Variants in ESRRB observed in about 807,000 individuals in gnomAD.
ESRRB encodes steroid hormone receptor ERR2.
In ESRRB, 16 loss-of-function variants were observed where a neutral mutation model predicts 46.0. The observed-to-expected ratio is 0.35, with a 90% CI of 0.24 to 0.53. ESRRB has a LOEUF of 0.53. Ranked by LOEUF, ESRRB falls within the 20% of genes least tolerant of loss-of-function variation. The pLI is 0.93. For synonymous variants in ESRRB, 246 were observed against 259.6 expected (o/e 0.95, Z 0.50); for missense variants, 488 against 607.4 (o/e 0.80, Z 2.07).
intron 1 of ESRRB, among the ~76,000 whole-genome samples, chr14:76,316,865 A>G (rs916950602): frequency 1.3e-5 from 2 of 152,138 alleles, no homozygotes; most frequent in Non-Finnish European, 2.9e-5. Flanking sequence ...CTAAACTGGT[A>G]TCTCTCCTGT....
chr14:76,477,008 C>T (rs1433523330), intron 3 of ESRRB, among the ~76,000 whole-genome samples: 2 of 152,218 alleles, frequency 1.3e-5, no homozygotes, highest in African/African-American at 4.8e-5. Flanking sequence ...ATGAGAATGG[C>T]TTGAACCTGG....
chr14:76,349,002 C>T (rs187661534), intron 1 of ESRRB, among the ~76,000 whole-genome samples: 7 of 152,306 alleles, frequency 4.6e-5, no homozygotes, highest in Admixed American at 3.3e-4. Context: ...TCCAAGCAGG[C>T]CCCCCTTCCC....
At position 76,417,807 on chromosome 14, in the gene ESRRB, G is replaced by A. The variant is rs562846110; in HGVS notation, c.51-21534G>A. On this transcript the variant is annotated intron_variant, in intron 1 of 6. Coordinates refer to ENST00000644823, the MANE Select transcript of ESRRB (RefSeq NM_001379180.1). ...GAACAAGCCTTCCCAGAGGCCCGAG[G>A]CATCACACAGGTAGTCCCTGGCCAT... is the stretch of plus-strand genomic sequence containing the variant. Among the ~76,000 whole-genome samples, 23 of 152,216 alleles carry A rather than the reference G, an allele frequency of 1.5e-4. No homozygotes were observed. The East Asian group carries it at 4.4e-3, about 29-fold the overall frequency.
At chr14:76,407,818 G>A (rs1886255600) in intron 1 of ESRRB, among the ~76,000 whole-genome samples, 1 of 152,232 alleles carries the variant, frequency 6.6e-6, no homozygotes, top group African/African-American at 2.4e-5. Context: ...AGACCCACGT[G>A]GAGGGAGGCA....
chr14:76,476,740 G>A (rs983952171), intron 3 of ESRRB, among the ~76,000 whole-genome samples: 4 of 151,218 alleles, frequency 2.6e-5, no homozygotes, highest in South Asian at 2.1e-4. Flanking sequence ...CGGCAGGGGC[G>A]CTCCAGCTCT....
At chr14:76,439,175 GC>G (rs1887800984) in intron 1 of ESRRB, among the ~76,000 whole-genome samples, 165 bp from the exon 2 acceptor site, 1 of 152,210 alleles carries the variant, frequency 6.6e-6, no homozygotes, top group Admixed American at 6.5e-5. Flanking sequence ...CCAGAAACTT[GC>G]TCCCGGCTGC....
chr14:76,447,147 C>T (rs1888181084), intron 2 of ESRRB, among the ~76,000 whole-genome samples: 1 of 152,272 alleles, frequency 6.6e-6, no homozygotes, highest in South Asian at 2.1e-4. Context: ...AGGCTCAGCT[C>T]TTCTCTGGCT....
At chr14:76,429,115 C>T (rs1887322598) in intron 1 of ESRRB, among the ~76,000 whole-genome samples, 1 of 152,010 alleles carries the variant, frequency 6.6e-6, no homozygotes, top group Admixed American at 6.6e-5. Context: ...GCAACATGGA[C>T]ATAGAGGGTA....
chr14:76,491,645 G>A lies in ESRRB; in HGVS notation c.1049G>A (p.Arg350His), dbSNP rs528588232. ...TACCGGGCCATCCTGCAGCTGGTAC[G>A]CAGGTACAAGAAGCTCAAGGTGGAG... ...ELYRAILQLV[R>H]RYKKLKVEKE... The change falls in exon 6 of 7, where the codon CGC becomes CAC. Residue 350 changes from arginine (R) to histidine (H), a missense_variant. Transcript: ENST00000644823. The A allele has an allele frequency of 2.0e-5, 32 of 1,584,974 alleles. No individual in the cohort carries two copies. The highest frequency in any genetic ancestry group is 1.8e-4 in the Middle Eastern group (1 of 5,486).
chr14:76,330,995 T>C (rs1378758068), intron 1 of ESRRB, among the ~76,000 whole-genome samples: 1 of 151,800 alleles, frequency 6.6e-6, no homozygotes, highest in Admixed American at 6.6e-5. Context: ...AGAGATGGGG[T>C]CAGTTAGGTA....
chr14:76,427,689 C>T (rs965042683), intron 1 of ESRRB, among the ~76,000 whole-genome samples: 2 of 152,194 alleles, frequency 1.3e-5, no homozygotes, highest in African/African-American at 4.8e-5. Context: ...CTAAAAACAA[C>T]TCTTAATATT....
At chr14:76,362,147 G>A (rs1395605827) in intron 1 of ESRRB, among the ~76,000 whole-genome samples, 1 of 152,188 alleles carries the variant, frequency 6.6e-6, no homozygotes, top group African/African-American at 2.4e-5. Context: ...AAAGGAGTGG[G>A]TGTAACTAGT....
At chr14:76,315,818 C>T (rs1456805836) in intron 1 of ESRRB, among the ~76,000 whole-genome samples, 3 of 152,168 alleles carry the variant, frequency 2.0e-5, no homozygotes, top group Non-Finnish European at 4.4e-5. Flanking sequence ...TGAGAAGAAC[C>T]CAGGACCTTA....
chr14:76,320,911 T>TA (rs1883859193), intron 1 of ESRRB, among the ~76,000 whole-genome samples: 1 of 152,208 alleles, frequency 6.6e-6, no homozygotes, highest in South Asian at 2.1e-4. Flanking sequence ...TTTCTGGCTT[T>TA]TCCCCTCTCT....
intron 1 of ESRRB, among the ~76,000 whole-genome samples, chr14:76,394,828 G>A (rs781421591): frequency 6.6e-5 from 10 of 152,224 alleles, no homozygotes; most frequent in Non-Finnish European, 1.3e-4. Flanking sequence ...ACCTCAGGCT[G>A]GGCAGGGCGA....
In ESRRB at chr14:76,376,611, G is replaced by A. The variant is rs1482767108; in HGVS notation, c.50+160G>A. Among the ~76,000 whole-genome samples, 1 of 152,138 alleles carries A rather than the reference G, an allele frequency of 6.6e-6. No individual in the cohort carries two copies. The highest frequency in any genetic ancestry group is 6.5e-5 in the Admixed American group (1 of 15,284). On this transcript the variant is annotated intron_variant, in intron 1 of 6. Coordinates refer to ENST00000644823, the MANE Select transcript of ESRRB (RefSeq NM_001379180.1). The surrounding 1 kb of genome is among the most constrained non-coding windows in gnomAD (Gnocchi z 4.1). The stretch of plus-strand genomic sequence containing the variant: ...GAGGGGAAAAGCCGCACACTTCTGG[G>A]TTTCTTTCTAGGGCATAAACCCTCC...
At chr14:76,462,735 C>A in intron 3 of ESRRB, 74 bp downstream of exon 3, 1 of 1,119,922 alleles carries the variant, frequency 8.9e-7, no homozygotes, top group Non-Finnish European at 1.4e-6. Flanking sequence ...CTGTGAGACA[C>A]CCACAAGCTG....
chr14:76,355,998 A>G (rs1177976096), intron 1 of ESRRB, among the ~76,000 whole-genome samples: 1 of 152,144 alleles, frequency 6.6e-6, no homozygotes, highest in Non-Finnish European at 1.5e-5. Context: ...GCTCCAGCCA[A>G]GTGGAGGTTG....
chr14:76,345,911 T>C (rs1163160690), intron 1 of ESRRB, among the ~76,000 whole-genome samples: 1 of 152,188 alleles, frequency 6.6e-6, no homozygotes, highest in African/African-American at 2.4e-5. Context: ...TGTCACAAAT[T>C]GCCACACACC....
Sources: allele counts gnomAD v4.1 joint callset (sites outside exome capture counted in the v4.1 genomes callset), GRCh38; gene constraint gnomAD v4.1.1; non-coding constraint Gnocchi (gnomAD v3.1); transcripts MANE v1.5; gene names NCBI Gene and HGNC (gene_info 2026-07-23, HGNC 2026-07-21).